The following CPED1 variants were observed in gnomAD, a reference collection of about 807,000 sequenced individuals.
The protein encoded by CPED1 is cadherin-like and PC-esterase domain-containing protein 1.
A neutral mutation model predicts 128.2 loss-of-function variants in CPED1; 114 were observed. The observed-to-expected ratio is 0.89, with a 90% confidence interval of 0.76 to 1.04. CPED1 has a LOEUF of 1.04. CPED1 is among the 50% of genes least tolerant of loss of function. CPED1 has a pLI of 0.00. For synonymous variants in CPED1, 462 were observed against 426.7 expected (o/e 1.08, Z -1.02); for missense variants, 1,211 against 1,207.1 (o/e 1.00, Z -0.05).
chr7:121,052,359 A>C (rs1347995984), intron 4 of CPED1, among the ~76,000 whole-genome samples: 1 of 152,194 alleles, frequency 6.6e-6, no homozygotes, highest in East Asian at 1.9e-4. Flanking sequence ...GGACAACACG[A>C]AGTCACACGA....
intron 2 of CPED1, among the ~76,000 whole-genome samples, chr7:121,008,035 G>A (rs1182944443): frequency 6.6e-6 from 1 of 151,714 alleles, no homozygotes; most frequent in African/African-American, 2.4e-5. Flanking sequence ...AATATGGAAG[G>A]GGTGGCTTGC....
intron 2 of CPED1, among the ~76,000 whole-genome samples, chr7:121,005,218 T>C (rs1585012651): frequency 6.6e-6 from 1 of 152,176 alleles, no homozygotes; most frequent in South Asian, 2.1e-4. Context: ...CTGAGAATGA[T>C]AGTTTCCAGC....
intron 2 of CPED1, among the ~76,000 whole-genome samples, chr7:121,001,547 C>T (rs1450135453): frequency 6.6e-6 from 1 of 152,006 alleles, no homozygotes; most frequent in Non-Finnish European, 1.5e-5. Flanking sequence ...TAATATTGCT[C>T]CGGGGTCATA....
At chr7:121,105,878 C>G (rs535192624) in intron 7 of CPED1, among the ~76,000 whole-genome samples, 1 of 152,072 alleles carries the variant, frequency 6.6e-6, no homozygotes, top group Non-Finnish European at 1.5e-5. Context: ...TTTGTACATT[C>G]GTTAATTCTG....
intron 16 of CPED1, among the ~76,000 whole-genome samples, chr7:121,186,087 G>T (rs1053160252): frequency 6.6e-6 from 1 of 152,086 alleles, no homozygotes. Context: ...AAGAAAAAAG[G>T]TATTTAGTTT....
intron 16 of CPED1, among the ~76,000 whole-genome samples, chr7:121,191,560 T>A (rs766889372): frequency 1.7e-4 from 26 of 152,114 alleles, no homozygotes; most frequent in Non-Finnish European, 3.5e-4. Context: ...TCCAGATCCT[T>A]CTGGGGTGGT....
intron 3 of CPED1, among the ~76,000 whole-genome samples, chr7:121,039,819 T>C (rs1204619864): frequency 6.6e-6 from 1 of 152,082 alleles, no homozygotes; most frequent in African/African-American, 2.4e-5. Context: ...GTAAACTCAT[T>C]GATTTCCTTT....
chr7:121,279,473 G>GAATAAGA (rs5887029), intron 22 of CPED1, among the ~76,000 whole-genome samples: 41,354 of 150,340 alleles, frequency 0.28, 5,887 homozygotes, highest in Non-Finnish European at 0.32. Flanking sequence ...AGAAAAAACA[G>GAATAAGA]AATAACTCAT....
chr7:121,214,391 C>T (rs1216841966), intron 16 of CPED1, among the ~76,000 whole-genome samples: 1 of 152,024 alleles, frequency 6.6e-6, no homozygotes, highest in Non-Finnish European at 1.5e-5. Context: ...CTCACAAGAT[C>T]AAGGGATTCT....
intron 16 of CPED1, among the ~76,000 whole-genome samples, chr7:121,213,919 A>G (rs1648810553): frequency 1.3e-5 from 2 of 151,918 alleles, no homozygotes; most frequent in South Asian, 4.1e-4. Context: ...CAGTTTTTCC[A>G]TTAACGTTAT....
At position 121,092,717 on chromosome 7, in the gene CPED1, C is replaced by T. The variant is rs559186933; in HGVS notation, c.617-4982C>T. Among the ~76,000 whole-genome samples, 20 of 152,244 alleles carry T rather than the reference C, an allele frequency of 1.3e-4. No individual in the cohort carries two copies. In the South Asian group the frequency reaches 4.2e-3, roughly 32 times the overall value. On this transcript the variant is annotated intron_variant, in intron 5 of 22. Transcript: ENST00000310396. ...GGGGTAGGAGCTTGTTCAGCTAAAGCCTCTTCCCACGAGGCTTATTGAGCC... is the reference window on the plus strand; with the variant it reads ...GGGGTAGGAGCTTGTTCAGCTAAAGTCTCTTCCCACGAGGCTTATTGAGCC...
At chr7:121,130,626 T>A (rs1795638746) in intron 12 of CPED1, among the ~76,000 whole-genome samples, 1 of 152,082 alleles carries the variant, frequency 6.6e-6, no homozygotes, top group African/African-American at 2.4e-5. Context: ...TTAGATGAGA[T>A]GTGTTTTATG....
intron 16 of CPED1, among the ~76,000 whole-genome samples, chr7:121,226,394 A>G (rs1213004310): frequency 6.6e-6 from 1 of 152,078 alleles, no homozygotes; most frequent in Non-Finnish European, 1.5e-5. Context: ...CTGTTCAGCC[A>G]TCTTGGAATG....
intron 4 of CPED1, among the ~76,000 whole-genome samples, chr7:121,049,814 G>T (rs1793303213): frequency 6.6e-6 from 1 of 152,192 alleles, no homozygotes; most frequent in Admixed American, 6.5e-5. Context: ...ACCAGGGAAA[G>T]ATTCTGTCTC....
chr7:121,181,835 G>A (rs1796903329), intron 16 of CPED1, among the ~76,000 whole-genome samples: 1 of 152,066 alleles, frequency 6.6e-6, no homozygotes, highest in South Asian at 2.1e-4. Flanking sequence ...TTCCTGGCAA[G>A]GCTGGCATAT....
intron 22 of CPED1, among the ~76,000 whole-genome samples, chr7:121,291,049 T>C (rs1481456193): frequency 2.0e-5 from 3 of 152,234 alleles, no homozygotes; most frequent in Non-Finnish European, 2.9e-5. Context: ...ACACTATTTA[T>C]GAAATAGGGA....
intron 18 of CPED1, among the ~76,000 whole-genome samples, chr7:121,256,071 G>A (rs1791853673): frequency 1.5e-5 from 2 of 131,638 alleles, no homozygotes; most frequent in South Asian, 4.9e-4. Context: ...ACATTCATAT[G>A]GGACCAAAAA....
intron 7 of CPED1, among the ~76,000 whole-genome samples, chr7:121,101,548 A>G (rs368204294): frequency 9.2e-5 from 14 of 152,156 alleles, no homozygotes; most frequent in African/African-American, 1.2e-4. Flanking sequence ...CAGTTCTTCA[A>G]TCTTATCTTT....
chr7:121,008,544 A>T (rs1450403513), intron 2 of CPED1, among the ~76,000 whole-genome samples: 1 of 152,160 alleles, frequency 6.6e-6, no homozygotes, highest in Admixed American at 6.5e-5. Flanking sequence ...TCTTTCATAC[A>T]CAATATTCAC....
Sources: gnomAD v4.1 joint callset for allele counts (sites outside exome capture counted in the v4.1 genomes callset) on GRCh38, gnomAD v4.1.1 for gene constraint, MANE v1.5 for transcripts, NCBI Gene and HGNC (gene_info 2026-07-23, HGNC 2026-07-21) for gene names.